The following MED27 variants were observed in gnomAD, a reference collection of about 807,000 sequenced individuals.
MED27 encodes the protein mediator complex subunit 27.
MED27 carries 30 observed loss-of-function variants against 38.2 expected under a neutral mutation model. The ratio of observed to expected loss-of-function variants is 0.79; its 90% confidence interval spans 0.59 to 1.07. The LOEUF is 1.07. Ranked by LOEUF, MED27 falls within the 50% of genes least tolerant of loss-of-function variation. The pLI is 0.00. For missense variants in MED27, 289 were observed against 397.5 expected (o/e 0.73, Z 2.32); for synonymous variants, 122 against 153.5 (o/e 0.79, Z 1.52).
At chr9:131,914,206 C>T (rs1830244711) in intron 4 of MED27, among the ~76,000 whole-genome samples, 1 of 152,138 alleles carries the variant, frequency 6.6e-6, no homozygotes, top group Non-Finnish European at 1.5e-5. Flanking sequence ...CAACGATGAA[C>T]AAACTCAAGA....
intron 4 of MED27, among the ~76,000 whole-genome samples, chr9:131,900,523 A>G (rs530815572): frequency 1.3e-5 from 2 of 152,318 alleles, no homozygotes; most frequent in South Asian, 4.1e-4. Context: ...TGGTCACTTA[A>G]AATGATCTTC....
At chr9:131,863,467 A>G (rs919861784) in intron 6 of MED27, among the ~76,000 whole-genome samples, 3 of 152,220 alleles carry the variant, frequency 2.0e-5, no homozygotes, top group Non-Finnish European at 4.4e-5. Flanking sequence ...GGGGATCCCA[A>G]GCCTCCCTGC....
At chr9:131,897,022 G>C (rs538362531) in intron 4 of MED27, among the ~76,000 whole-genome samples, 4 of 152,232 alleles carry the variant, frequency 2.6e-5, no homozygotes, top group Admixed American at 6.5e-5. Context: ...AAGCCACCAC[G>C]CCCAGTCATG....
intron 3 of MED27, among the ~76,000 whole-genome samples, chr9:131,957,346 C>T (rs1319975093): frequency 6.6e-6 from 1 of 152,030 alleles, no homozygotes; most frequent in Non-Finnish European, 1.5e-5. Context: ...CTGCAATCTC[C>T]CGGGCACAAG....
intron 2 of MED27, among the ~76,000 whole-genome samples, chr9:132,053,567 C>A (rs188018137): frequency 6.6e-6 from 1 of 152,314 alleles, no homozygotes; most frequent in East Asian, 1.9e-4. Flanking sequence ...TGGACACTAT[C>A]CCGTTTCACA....
At chr9:131,879,280 C>T (rs933235012) in intron 6 of MED27, among the ~76,000 whole-genome samples, 4 of 152,190 alleles carry the variant, frequency 2.6e-5, no homozygotes, top group Admixed American at 6.5e-5. Context: ...TCCCCCTACC[C>T]TGTCACACTG....
intron 6 of MED27, among the ~76,000 whole-genome samples, chr9:131,864,613 T>C (rs919806221): frequency 3.9e-5 from 6 of 152,240 alleles, no homozygotes; most frequent in Admixed American, 1.3e-4. Context: ...CAATGAACAC[T>C]GTGTATGTGG....
chr9:132,008,767 C>T (rs1832420148), intron 3 of MED27, among the ~76,000 whole-genome samples: 2 of 152,248 alleles, frequency 1.3e-5, no homozygotes, highest in Admixed American at 1.3e-4. Flanking sequence ...CAACTGCTAA[C>T]ACAAGCCACG....
chr9:132,052,478 C>T (rs1833484219), intron 2 of MED27, among the ~76,000 whole-genome samples: 1 of 152,156 alleles, frequency 6.6e-6, no homozygotes, highest in Admixed American at 6.5e-5. Context: ...GAAAAAAAAT[C>T]TCTCTGCAGC....
At chr9:132,039,452 A>G (rs1185774639) in intron 2 of MED27, among the ~76,000 whole-genome samples, 6 of 152,252 alleles carry the variant, frequency 3.9e-5, no homozygotes, top group Admixed American at 2.6e-4. Context: ...GGTGCCCCGC[A>G]CATGGCAAGT....
chr9:131,865,196 G>C lies in MED27; in HGVS notation c.724-2056C>G, dbSNP rs73658152. Among the ~76,000 whole-genome samples the C allele has an allele frequency of 3.5e-3, 540 of 152,332 alleles. 8 individuals are homozygous for C. Among genetic ancestry groups the C allele is most frequent in the African/African-American group, 0.013 (520 of 41,576 alleles). ...AAATTCTTACCCAAGTGGCTTTCAA[G>C]ATAAATGGTACTTATTCCTTCGAAT... On this transcript the variant is annotated intron_variant, in intron 6 of 7. Coordinates refer to ENST00000292035, the MANE Select transcript of MED27 (RefSeq NM_004269.4).
At chr9:131,987,016 TTTTTTTTTTTTTTTA>T in intron 3 of MED27, among the ~76,000 whole-genome samples, 1 of 143,244 alleles carries the variant, frequency 7.0e-6, no homozygotes, top group African/African-American at 2.6e-5. Flanking sequence ...TTTTTTTTTT[TTTTTTTTTTTTTTTA>T]GAATACTACT....
chr9:131,904,012 C>G (rs1421749483), intron 4 of MED27, among the ~76,000 whole-genome samples: 1 of 151,942 alleles, frequency 6.6e-6, no homozygotes. Context: ...GATTCTCCTG[C>G]CTCTGCCTCC....
rs1019368166 is a variant in MED27 at position 131,917,373 on chromosome 9, GA to G, written c.573+22007del. On this transcript the variant is annotated intron_variant, in intron 4 of 7. Transcript: ENST00000292035. This position sits in a 1 kb window ranked among gnomAD's most constrained non-coding sequence, Gnocchi z 4.6. ...CAGACCATGTACACCACCTATCCTA[GA>G]AAGGGGGGGCTTTATCCTGCAAGCA... 6.6e-6 allele frequency among the ~76,000 whole-genome samples: 1 copy of G among 152,136 alleles called. No individual in the cohort carries two copies. Among genetic ancestry groups the G allele is most frequent in the African/African-American group, 2.4e-5 (1 of 41,420 alleles).
chr9:131,870,022 C>T (rs868316375), intron 6 of MED27, among the ~76,000 whole-genome samples: 5 of 152,136 alleles, frequency 3.3e-5, no homozygotes, highest in Non-Finnish European at 7.3e-5. Context: ...TGCCAGTCAA[C>T]GTGCTGGAAA....
Position 132,079,532 on chromosome 9 carries a change from G to C in MED27, c.203+110C>G, listed in dbSNP as rs552500112. The C allele has an allele frequency of 7.0e-5, 68 of 975,262 alleles. No homozygotes were observed. The South Asian group carries it at 9.4e-4, about 13-fold the overall frequency. 60.4% of individuals were successfully genotyped at this position (975,262 alleles called of 1,614,324 possible). On this transcript the variant is annotated intron_variant, in intron 1 of 7. Coordinates refer to ENST00000292035, the MANE Select transcript of MED27 (RefSeq NM_004269.4). ...TTGGAGAACAAGAAGAGAAAGAACA[G>C]GGATCAAGGGAAACGGAGAACAGCC...
chr9:132,069,009 C>T (rs1009083922), intron 2 of MED27, among the ~76,000 whole-genome samples: 2 of 152,214 alleles, frequency 1.3e-5, no homozygotes, highest in African/African-American at 4.8e-5. Flanking sequence ...TTCCTTCCCA[C>T]CACCAATGTG....
chr9:131,937,037 A>G (rs1589222147), intron 4 of MED27, among the ~76,000 whole-genome samples: 1 of 152,246 alleles, frequency 6.6e-6, no homozygotes, highest in East Asian at 1.9e-4. Context: ...TTCCAGATTC[A>G]TCTCCAGAAA....
intron 6 of MED27, among the ~76,000 whole-genome samples, chr9:131,864,075 C>A (rs546651565): frequency 6.6e-6 from 1 of 152,148 alleles, no homozygotes; most frequent in South Asian, 2.1e-4. Context: ...TGTTAATGCC[C>A]GCCGTCAATC....
Sources: allele counts gnomAD v4.1 joint callset (sites outside exome capture counted in the v4.1 genomes callset), GRCh38; gene constraint gnomAD v4.1.1; non-coding constraint Gnocchi (gnomAD v3.1); transcripts MANE v1.5; gene names NCBI Gene and HGNC (gene_info 2026-07-23, HGNC 2026-07-21).